The following GALNTL6 variants were observed in gnomAD, a reference collection of about 807,000 sequenced individuals.
GALNTL6 encodes polypeptide N-acetylgalactosaminyltransferase like 6, also known as polypeptide N-acetylgalactosaminyltransferase-like 6.
A neutral mutation model predicts 73.7 loss-of-function variants in GALNTL6; 46 were observed. The observed-to-expected ratio is 0.62, with a 90% CI of 0.49 to 0.80. The LOEUF is 0.80. Among genes scored for constraint, GALNTL6 ranks in the 30% least tolerant of loss-of-function variants. The pLI, the probability that GALNTL6 is intolerant of heterozygous loss-of-function variation, is 0.00. For synonymous variants in GALNTL6, 259 were observed against 263.7 expected (o/e 0.98, Z 0.17); for missense variants, 604 against 755.0 (o/e 0.80, Z 2.34).
chr4:172,541,353 A>G (rs920682988), intron 5 of GALNTL6, among the ~76,000 whole-genome samples: 4 of 152,208 alleles, frequency 2.6e-5, no homozygotes, highest in Admixed American at 1.3e-4. Context: ...GGGAGGGAGT[A>G]TAACTATTAT....
intron 2 of GALNTL6, among the ~76,000 whole-genome samples, chr4:171,856,179 G>A (rs1392977645): frequency 2.0e-5 from 3 of 151,852 alleles, no homozygotes; most frequent in African/African-American, 2.4e-5. Flanking sequence ...CTTGGCTCAC[G>A]GAAACCTCCA....
At chr4:172,089,504 T>G (rs1039355047) in intron 2 of GALNTL6, among the ~76,000 whole-genome samples, 1 of 151,952 alleles carries the variant, frequency 6.6e-6, no homozygotes, top group Admixed American at 6.6e-5. Flanking sequence ...TAATTCCAAG[T>G]CAGAAGGGTG....
At chr4:172,966,638 C>A (rs374012965) in intron 10 of GALNTL6, among the ~76,000 whole-genome samples, 1 of 152,098 alleles carries the variant, frequency 6.6e-6, no homozygotes, top group African/African-American at 2.4e-5. Context: ...GTGATCCACC[C>A]GCCTCGGCCT....
At chr4:172,594,632 T>C (rs1046395955) in intron 5 of GALNTL6, among the ~76,000 whole-genome samples, 1 of 152,218 alleles carries the variant, frequency 6.6e-6, no homozygotes, top group African/African-American at 2.4e-5. Context: ...TTCAATTTTA[T>C]GCCTTTTTCA....
intron 5 of GALNTL6, among the ~76,000 whole-genome samples, chr4:172,802,965 T>C (rs1267522181): frequency 6.6e-6 from 1 of 152,238 alleles, no homozygotes; most frequent in African/African-American, 2.4e-5. Context: ...TTTAGACGAA[T>C]GCACACTGAC....
At chr4:172,998,612 G>C (rs892093693) in intron 10 of GALNTL6, among the ~76,000 whole-genome samples, 22 of 151,932 alleles carry the variant, frequency 1.4e-4, no homozygotes, top group African/African-American at 5.3e-4. Context: ...CACAGAAACT[G>C]TCCTTTGAAA....
intron 5 of GALNTL6, among the ~76,000 whole-genome samples, chr4:172,499,770 G>A (rs963591699): frequency 6.6e-6 from 1 of 152,144 alleles, no homozygotes; most frequent in Non-Finnish European, 1.5e-5. Context: ...ACAACGAGTA[G>A]AAATACTAAA....
chr4:172,881,482 A>G (rs2033556164), intron 7 of GALNTL6, among the ~76,000 whole-genome samples: 1 of 152,220 alleles, frequency 6.6e-6, no homozygotes, highest in African/African-American at 2.4e-5. Context: ...AGACTGAAGT[A>G]ATTAAATCAA....
rs530445024 is a variant in GALNTL6, at chr4:172,476,522, C to T, written c.553+127833C>T. On this transcript the variant is annotated intron_variant, in intron 5 of 12. Coordinates refer to ENST00000506823, the MANE Select transcript of GALNTL6 (RefSeq NM_001034845.3). ...AGCCGTCTACATTTGAGAGAACCTT[C>T]CCAACTTCCACTGTTATACCTACTT... Among the ~76,000 whole-genome samples, 19 of 152,292 alleles carry T rather than the reference C, an allele frequency of 1.2e-4. No homozygotes were observed. In the South Asian group the frequency reaches 3.7e-3, roughly 30 times the overall value.
At chr4:171,861,832 A>G (rs1178832978) in intron 2 of GALNTL6, among the ~76,000 whole-genome samples, 2 of 152,210 alleles carry the variant, frequency 1.3e-5, no homozygotes, top group Non-Finnish European at 2.9e-5. Flanking sequence ...ATTTTTTGAC[A>G]GTATGTTTTA....
intron 10 of GALNTL6, among the ~76,000 whole-genome samples, chr4:172,954,438 G>A (rs977313956): frequency 2.6e-5 from 4 of 152,000 alleles, no homozygotes; most frequent in African/African-American, 9.7e-5. Context: ...CATTATTTCC[G>A]GCTTAAACAA....
intron 5 of GALNTL6, among the ~76,000 whole-genome samples, chr4:172,438,247 A>ATGAC (rs1164772827): frequency 6.6e-6 from 1 of 152,106 alleles, no homozygotes; most frequent in Non-Finnish European, 1.5e-5. Flanking sequence ...TGTCCTCCAG[A>ATGAC]TGACTATGAC....
chr4:172,769,645 A>G (rs903048967), intron 5 of GALNTL6, among the ~76,000 whole-genome samples: 1 of 152,238 alleles, frequency 6.6e-6, no homozygotes, highest in South Asian at 2.1e-4. Context: ...TACTTAGAGA[A>G]GAGAAAAACT....
At chr4:172,161,984 G>A (rs761449304) in intron 2 of GALNTL6, among the ~76,000 whole-genome samples, 2 of 152,020 alleles carry the variant, frequency 1.3e-5, no homozygotes, top group Admixed American at 6.6e-5. Flanking sequence ...GGAAAACAGG[G>A]CACAGCAGAA....
intron 5 of GALNTL6, among the ~76,000 whole-genome samples, chr4:172,357,334 T>C (rs1307165239): frequency 6.6e-6 from 1 of 152,130 alleles, no homozygotes; most frequent in Non-Finnish European, 1.5e-5. Context: ...GTCTTTATCC[T>C]GGAAAAAGTG....
At chr4:172,220,913 T>A (rs10520224) in intron 2 of GALNTL6, among the ~76,000 whole-genome samples, 6,124 of 151,994 alleles carry the variant, frequency 0.04, 320 homozygotes, top group Admixed American at 0.15. Flanking sequence ...GTGAACATGA[T>A]GATAACTATG....
At chr4:172,364,509 C>T (rs941460092) in intron 5 of GALNTL6, among the ~76,000 whole-genome samples, 3 of 152,094 alleles carry the variant, frequency 2.0e-5, no homozygotes, top group Non-Finnish European at 2.9e-5. Context: ...AATAAGTATT[C>T]TATTTATTTA....
At chr4:172,456,426 AC>A (rs1428356744) in intron 5 of GALNTL6, among the ~76,000 whole-genome samples, 3 of 151,998 alleles carry the variant, frequency 2.0e-5, no homozygotes, top group Non-Finnish European at 4.4e-5. Context: ...GCATGTTCTA[AC>A]CCAATGCAAG....
At chr4:171,821,977 A>G (rs1734696905) in intron 2 of GALNTL6, among the ~76,000 whole-genome samples, 1 of 152,188 alleles carries the variant, frequency 6.6e-6, no homozygotes, top group South Asian at 2.1e-4. Context: ...ATTGAAAACT[A>G]TCCAAAAGTT....
Sources: gnomAD v4.1 joint callset for allele counts (sites outside exome capture counted in the v4.1 genomes callset) on GRCh38, gnomAD v4.1.1 for gene constraint, MANE v1.5 for transcripts, NCBI Gene and HGNC (gene_info 2026-07-23, HGNC 2026-07-21) for gene names.